Variants in SPAG7 observed in about 807,000 individuals in gnomAD.
The protein encoded by SPAG7 is sperm associated antigen 7.
SPAG7 carries 20 observed loss-of-function variants against 30.6 expected under a neutral mutation model. That is an observed-to-expected ratio of 0.65 (90% confidence interval 0.46 to 0.95). The LOEUF is 0.95. SPAG7 is among the 40% of genes least tolerant of loss of function. SPAG7 has a pLI of 0.00. For synonymous variants in SPAG7, 127 were observed against 104.2 expected (o/e 1.22, Z -1.33); for missense variants, 276 against 291.1 (o/e 0.95, Z 0.38).
At chr17:4,962,635 T>C (rs1971881557) in intron 1 of SPAG7, among the ~76,000 whole-genome samples, 1 of 151,918 alleles carries the variant, frequency 6.6e-6, no homozygotes, top group South Asian at 2.1e-4. Context: ...CCCAGGATGG[T>C]ATTTTTATTT....
intron 1 of SPAG7, among the ~76,000 whole-genome samples, chr17:4,961,186 G>T (rs1356067713): frequency 6.6e-6 from 1 of 152,198 alleles, no homozygotes; most frequent in Non-Finnish European, 1.5e-5. Context: ...GACCAGGCAT[G>T]GTGGCTCACG....
In SPAG7 at chr17:4,959,898, C is replaced by T. The variant is rs1971831473; in HGVS notation, c.436G>A (p.Glu146Lys). ...GGCCCCTGCTGGGCTGCCTCCTCCT[C>T]TTGCCTCTGGGCCAGCTCCTAGGGG... Reference protein sequence around the residue: ...RKLKELAQRQEEEAAQQGPVV... With the variant: ...RKLKELAQRQKEEAAQQGPVV... Residue 146 changes from glutamate to lysine, a missense_variant, in exon 6 of 7, where the codon GAG (glutamate) becomes AAG (lysine). By Grantham distance (56) the Glu-to-Lys change is moderately conservative. Coordinates refer to ENST00000206020, the MANE Select transcript of SPAG7 (RefSeq NM_004890.3). The T allele has an allele frequency of 1.2e-6, 2 of 1,613,458 alleles. No homozygotes were observed. Among genetic ancestry groups the T allele is most frequent in the Non-Finnish European group, 1.7e-6 (2 of 1,180,002 alleles).
At chr17:4,962,709 C>T (rs887986489) in intron 1 of SPAG7, among the ~76,000 whole-genome samples, 8 of 151,756 alleles carry the variant, frequency 5.3e-5, no homozygotes, top group African/African-American at 1.9e-4. Context: ...CAATTAGCAC[C>T]CAGCTAATTT....
At chr17:4,967,673 C>T in intron 1 of SPAG7, 47 bp downstream of exon 1, 1 of 1,441,196 alleles carries the variant, frequency 6.9e-7, no homozygotes, top group Non-Finnish European at 9.8e-7. Context: ...GAAGTATGGT[C>T]CCGAGAACCG....
intron 1 of SPAG7, among the ~76,000 whole-genome samples, chr17:4,961,371 C>G (rs1425375093): frequency 1.0e-4 from 15 of 143,810 alleles, no homozygotes; most frequent in Middle Eastern, 4.7e-3. Flanking sequence ...GCAGGAGAAT[C>G]GCTTGAACCT....
intron 1 of SPAG7, among the ~76,000 whole-genome samples, chr17:4,964,777 C>A (rs1054520765): frequency 2.6e-5 from 4 of 152,010 alleles, no homozygotes; most frequent in African/African-American, 9.7e-5. Context: ...CGCTGTGTGC[C>A]CAGGCTGGAG....
intron 1 of SPAG7, among the ~76,000 whole-genome samples, chr17:4,962,944 G>A (rs1971888294): frequency 6.7e-6 from 1 of 150,298 alleles, no homozygotes; most frequent in East Asian, 2.0e-4. Context: ...TTTTTTTTAA[G>A]TTTTCTGTTA....
In SPAG7 at chr17:4,959,837, T is replaced by C. The variant is rs1971829682; in HGVS notation, c.497A>G (p.Lys166Arg). Residue 166 changes from lysine (K) to arginine (R), a missense_variant, in exon 6 of 7, where the codon AAG (lysine) becomes AGG (arginine). Coordinates refer to ENST00000206020, the MANE Select transcript of SPAG7 (RefSeq NM_004890.3). Reference protein sequence around the residue: ...VVSPASDYKDKYSHLIGKGAA... With the variant: ...VVSPASDYKDRYSHLIGKGAA... ...TCCCTTGCCGATGAGGTGGCTGTAC[T>C]TGTCCTTGTAGTCGCTGGCAGGGCT... 1 of 1,614,010 alleles carries C rather than the reference T, an allele frequency of 6.2e-7. No homozygotes were observed. Among genetic ancestry groups the C allele is most frequent in the African/African-American group, 1.3e-5 (1 of 74,924 alleles).
In SPAG7 at chr17:4,959,456, T is replaced by A; in HGVS notation, c.*78A>T. 8.7e-7 allele frequency: 1 copy of A among 1,143,610 alleles called. No homozygotes were observed. Among genetic ancestry groups the A allele is most frequent in the South Asian group, 1.3e-5 (1 of 78,980 alleles). 70.8% of individuals were successfully genotyped at this position (1,143,610 alleles called of 1,614,324 possible). A position where few individuals can be genotyped will look rare whatever the true frequency, so the allele number is the denominator to read the frequency against. ...GTGGTTCAGAGGTGGGGCTCCAGGA[T>A]GGGCTCTAATAGCAGCAGCCTTGTC... is the stretch of plus-strand genomic sequence containing the variant. On this transcript the variant is annotated 3_prime_UTR_variant, in exon 7 of 7. Coordinates refer to ENST00000206020, the MANE Select transcript of SPAG7 (RefSeq NM_004890.3).
intron 1 of SPAG7, chr17:4,967,074 A>T (rs1031318140): frequency 1.0e-6 from 1 of 985,446 alleles, no homozygotes; most frequent in African/African-American, 1.7e-5. Context: ...GCAGGCGGAG[A>T]CAGTGGCCAA....
intron 1 of SPAG7, chr17:4,965,826 G>GTTTGTTTGTTTATTTATTTA (rs1555555822): frequency 2.7e-5 from 4 of 148,512 alleles, no homozygotes; most frequent in Non-Finnish European, 6.0e-5. Context: ...CCCAGCTAAT[G>GTTTGTTTGTTTATTTATTTA]TTTATTTATT....
intron 1 of SPAG7, 99 bp downstream of exon 1, chr17:4,967,621 G>T: frequency 1.1e-6 from 1 of 895,292 alleles, no homozygotes; most frequent in Non-Finnish European, 1.8e-6. Context: ...GGCCTGTGAG[G>T]GGTCTTTCAA....
rs1971835873 is a variant in SPAG7, at chr17:4,960,061, T to A, written c.378A>T (p.Glu126Asp). Residue 126 changes from glutamate (E) to aspartate (D), a missense_variant, in exon 5 of 7, where the codon GAA (glutamate) becomes GAT (aspartate). Glu to Asp is a conservative substitution (Grantham distance 45, BLOSUM62 2). Coordinates refer to ENST00000206020, the MANE Select transcript of SPAG7 (RefSeq NM_004890.3). ...TCTCCTCAGCCTTCTGGGGGTCCCA[T>A]TCCTCTCCACGACGGTAAGAGTCTA... is the stretch of plus-strand genomic sequence containing the variant. ...EELDSYRRGE[E>D]WDPQKAEEKR... The A allele has an allele frequency of 6.2e-7, 1 of 1,614,078 alleles. No individual in the cohort carries two copies. The highest frequency in any genetic ancestry group is 1.3e-5 in the African/African-American group (1 of 74,928).
intron 4 of SPAG7, 46 bp from the exon 5 acceptor site, chr17:4,960,157 C>G: frequency 6.2e-7 from 1 of 1,604,430 alleles, no homozygotes; most frequent in Non-Finnish European, 8.5e-7. Context: ...ACAAATGTTT[C>G]ATTTCATTCC....
chr17:4,967,406 G>A (rs1000105806), intron 1 of SPAG7, among the ~76,000 whole-genome samples: 8 of 152,194 alleles, frequency 5.3e-5, no homozygotes, highest in Admixed American at 2.0e-4. Flanking sequence ...GCAGGAATGC[G>A]GCAGGTTGGA....
rs199887047 is a variant in SPAG7, at chr17:4,960,847, G to A, written c.92C>T (p.Ala31Val). Residue 31 changes from alanine to valine, a missense_variant, in exon 2 of 7, where the codon GCC becomes GTC. Physicochemically the swap from Ala to Val is moderately conservative, Grantham distance 64. Coordinates refer to ENST00000206020, the MANE Select transcript of SPAG7 (RefSeq NM_004890.3). ...QETRRKAREQ[A>V]ARLKKLQEQE... ...CTCTTGTAGTTTCTTCAGGCGGGCG[G>A]CCTGTTCTGGGGGTGAGAAATGGCA... The A allele has an allele frequency of 4.3e-6, 7 of 1,614,030 alleles. No homozygotes were observed. In the Admixed American group the frequency reaches 5.0e-5, roughly 12 times the overall value.
At chr17:4,962,441 T>C (rs1971878359) in intron 1 of SPAG7, among the ~76,000 whole-genome samples, 1 of 152,146 alleles carries the variant, frequency 6.6e-6, no homozygotes, top group Non-Finnish European at 1.5e-5. Context: ...AGGATATCAC[T>C]TTATTGCCTA....
At chr17:4,966,675 C>G in intron 1 of SPAG7, 1 of 985,488 alleles carries the variant, frequency 1.0e-6, no homozygotes. Flanking sequence ...ATTTTTCTCT[C>G]AGAGCACTTA....
intron 2 of SPAG7, 40 bp downstream of exon 2, chr17:4,960,745 TC>T (rs1262273042): frequency 6.3e-7 from 1 of 1,583,806 alleles, no homozygotes; most frequent in African/African-American, 1.3e-5. Flanking sequence ...TTATTGGAAG[TC>T]CTTCCTGAGT....
Sources: allele counts gnomAD v4.1 joint callset (sites outside exome capture counted in the v4.1 genomes callset), GRCh38; gene constraint gnomAD v4.1.1; transcripts MANE v1.5; gene names NCBI Gene and HGNC (gene_info 2026-07-23, HGNC 2026-07-21).